Variants in LINGO2 observed in about 807,000 individuals in gnomAD.
LINGO2 encodes leucine-rich repeat and immunoglobulin-like domain-containing nogo receptor-interacting protein 2.
In LINGO2, 14 loss-of-function variants were observed where a neutral mutation model predicts 30.6. That is an observed-to-expected ratio of 0.46 (90% CI 0.30 to 0.72). The LOEUF is 0.72. Ranked by LOEUF, LINGO2 falls within the 30% of genes least tolerant of loss-of-function variation. The pLI is 0.07. For missense variants in LINGO2, 729 were observed against 751.7 expected (o/e 0.97, Z 0.35); for synonymous variants, 317 against 288.5 (o/e 1.10, Z -1.00).
intron 1 of LINGO2, among the ~76,000 whole-genome samples, chr9:28,661,989 C>CCA (rs1313471316): frequency 6.6e-6 from 1 of 152,140 alleles, no homozygotes; most frequent in Admixed American, 6.6e-5. Flanking sequence ...TGCTCAAACG[C>CCA]CACACACAGC....
chr9:28,179,457 T>C (rs1828844370), intron 4 of LINGO2, among the ~76,000 whole-genome samples: 1 of 138,150 alleles, frequency 7.2e-6, no homozygotes, highest in Admixed American at 7.6e-5. Flanking sequence ...ACATATACTA[T>C]AGTGTATATA....
At chr9:28,771,488 T>C in the LINGO2 span, among the ~76,000 whole-genome samples, 1 of 132,594 alleles carries the variant, frequency 7.5e-6, no homozygotes, top group Non-Finnish European at 1.6e-5. Flanking sequence ...TGTGTGTGTG[T>C]GTGTGTGTGT....
chr9:28,823,744 T>C, the LINGO2 span, among the ~76,000 whole-genome samples: 1 of 152,084 alleles, frequency 6.6e-6, no homozygotes, highest in African/African-American at 2.4e-5. Context: ...ATCTTGAAAG[T>C]GGATTGTCAG....
chr9:28,323,100 G>A (rs1244367149), intron 3 of LINGO2, among the ~76,000 whole-genome samples: 4 of 152,126 alleles, frequency 2.6e-5, no homozygotes, highest in Non-Finnish European at 5.9e-5. Flanking sequence ...TATAAAAATA[G>A]TCCCAGAGTG....
the LINGO2 span, among the ~76,000 whole-genome samples, chr9:28,699,218 C>G: frequency 6.6e-6 from 1 of 151,904 alleles, no homozygotes; most frequent in Non-Finnish European, 1.5e-5. Context: ...TGACACTTAT[C>G]CACTATTATA....
chr9:28,162,121 T>A (rs1452464558), intron 4 of LINGO2, among the ~76,000 whole-genome samples: 1 of 152,066 alleles, frequency 6.6e-6, no homozygotes, highest in Non-Finnish European at 1.5e-5. Flanking sequence ...CTGCATTCTT[T>A]CAGGCAAATG....
At chr9:29,137,906 A>G in the LINGO2 span, among the ~76,000 whole-genome samples, 1 of 152,118 alleles carries the variant, frequency 6.6e-6, no homozygotes, top group Non-Finnish European at 1.5e-5. Context: ...AAATAATAAT[A>G]TAGGACTAAT....
At chr9:29,118,683 T>C in the LINGO2 span, among the ~76,000 whole-genome samples, 1 of 152,096 alleles carries the variant, frequency 6.6e-6, no homozygotes, top group Non-Finnish European at 1.5e-5. Flanking sequence ...AATCTACTTC[T>C]TGGCCACTGT....
intron 1 of LINGO2, among the ~76,000 whole-genome samples, chr9:28,517,082 C>A (rs1181474287): frequency 2.0e-5 from 3 of 152,136 alleles, no homozygotes; most frequent in Non-Finnish European, 4.4e-5. Flanking sequence ...AGAATAACTA[C>A]CTTAATTTTT....
At chr9:28,328,824 T>C (rs1233897439) in intron 3 of LINGO2, among the ~76,000 whole-genome samples, 1 of 152,166 alleles carries the variant, frequency 6.6e-6, no homozygotes, top group East Asian at 1.9e-4. Context: ...CTCAATATCA[T>C]ACATTGATCA....
the LINGO2 span, among the ~76,000 whole-genome samples, chr9:28,887,875 C>G: frequency 6.6e-6 from 1 of 152,080 alleles, no homozygotes; most frequent in Non-Finnish European, 1.5e-5. Context: ...CAGAAATAAG[C>G]TCCAACTGGA....
chr9:28,308,243 A>G (rs909473909), intron 3 of LINGO2, among the ~76,000 whole-genome samples: 1 of 129,702 alleles, frequency 7.7e-6, no homozygotes, highest in African/African-American at 2.6e-5. Flanking sequence ...ATATAGATCA[A>G]TGGAACAGAA....
chr9:28,221,378 T>C (rs1820962503), intron 4 of LINGO2, among the ~76,000 whole-genome samples: 1 of 149,304 alleles, frequency 6.7e-6, no homozygotes, highest in South Asian at 2.1e-4. Flanking sequence ...AATTGTGAGA[T>C]AATGAATGTT....
intron 4 of LINGO2, among the ~76,000 whole-genome samples, chr9:28,205,268 G>A (rs1343527308): frequency 3.3e-5 from 5 of 152,094 alleles, no homozygotes; most frequent in Admixed American, 6.6e-5. Context: ...TTCCTCACCT[G>A]AATGTTTTCT....
intron 4 of LINGO2, among the ~76,000 whole-genome samples, chr9:28,095,527 A>T (rs1826219056): frequency 6.6e-6 from 1 of 152,096 alleles, no homozygotes; most frequent in South Asian, 2.1e-4. Context: ...CTGAAACTGG[A>T]TCCCTTCCTT....
the LINGO2 span, among the ~76,000 whole-genome samples, chr9:29,183,786 C>T: frequency 6.6e-6 from 1 of 151,182 alleles, no homozygotes; most frequent in Non-Finnish European, 1.5e-5. Context: ...AGATGCTACA[C>T]AAAGATGTAG....
intron 5 of LINGO2, among the ~76,000 whole-genome samples, chr9:28,011,743 G>A (rs1251617595): frequency 1.3e-5 from 2 of 152,208 alleles, no homozygotes; most frequent in Non-Finnish European, 2.9e-5. Context: ...ACCCTAAAGT[G>A]TGGTCACAAA....
intron 1 of LINGO2, among the ~76,000 whole-genome samples, chr9:28,593,093 T>A (rs546190755): frequency 2.0e-4 from 31 of 152,146 alleles, no homozygotes; most frequent in Admixed American, 3.9e-4. Context: ...GAACTCTGCT[T>A]CTCCTATTAG....
At chr9:29,179,641 G>A in the LINGO2 span, among the ~76,000 whole-genome samples, 1 of 152,060 alleles carries the variant, frequency 6.6e-6, no homozygotes, top group East Asian at 1.9e-4. Flanking sequence ...CTGACCTCAG[G>A]TGATCCACCC....
Sources: allele counts gnomAD v4.1 joint callset (sites outside exome capture counted in the v4.1 genomes callset), GRCh38; gene constraint gnomAD v4.1.1; transcripts MANE v1.5; gene names NCBI Gene and HGNC (gene_info 2026-07-23, HGNC 2026-07-21).